AGO3: variants seen among roughly 807,000 people sequenced by gnomAD.
AGO3 encodes the protein argonaute RISC catalytic component 3, also known as protein argonaute-3.
In AGO3, 16 loss-of-function variants were observed where a neutral mutation model predicts 105.5. That is an observed-to-expected ratio of 0.15 (90% CI 0.10 to 0.23). AGO3 has a LOEUF of 0.23. Among genes scored for constraint, AGO3 ranks in the 10% least tolerant of loss-of-function variants. The pLI is 1.00. For missense variants in AGO3, 534 were observed against 1,088.0 expected (o/e 0.49, Z 7.16); for synonymous variants, 340 against 367.3 (o/e 0.93, Z 0.85).
chr1:36,040,494 T>C (rs937116532), intron 16 of AGO3, 53 bp downstream of exon 16: 1 of 1,588,604 alleles, frequency 6.3e-7, no homozygotes, highest in Non-Finnish European at 8.6e-7. Context: ...TCCAACATAG[T>C]TCATAGAGCA....
rs546952346 is a variant in AGO3, at chr1:35,974,618, G to A, written c.658+1107G>A. Among the ~76,000 whole-genome samples, 5 of 152,082 alleles carry A rather than the reference G, an allele frequency of 3.3e-5. No individual in the cohort carries two copies. The South Asian group carries it at 1.0e-3, about 32-fold the overall frequency. On this transcript the variant is annotated intron_variant, in intron 5 of 18. Transcript: ENST00000373191. ...TAGTGATTCAAAAATCAGTCTCTAG[G>A]TTCAGAGATTAATCAGTAGATTCAG...
intron 1 of AGO3, among the ~76,000 whole-genome samples, chr1:35,945,115 G>A (rs781772485): frequency 2.6e-5 from 4 of 152,074 alleles, no homozygotes; most frequent in Non-Finnish European, 5.9e-5. Flanking sequence ...CTTGGCCTGA[G>A]ATACTTACCT....
At chr1:36,036,702 T>TATTTC (rs1467532746) in intron 14 of AGO3, among the ~76,000 whole-genome samples, 1 of 152,150 alleles carries the variant, frequency 6.6e-6, no homozygotes, top group African/African-American at 2.4e-5. Context: ...TATTTTATTT[T>TATTTC]ATTTATTTTT....
Position 35,956,646 on chromosome 1 carries a change from T to G in AGO3, c.192-10309T>G, listed in dbSNP as rs75771507. On this transcript the variant is annotated intron_variant, in intron 2 of 18. Transcript: ENST00000373191. ...ATGATTTTCTTTTTTTGTTTTTTTT[T>G]TTTTTTCTTTTGGAGAGGGAGTCTC... 1.3e-3 allele frequency among the ~76,000 whole-genome samples: 204 copies of G among 151,534 alleles called. 2 individuals carry two copies. The East Asian group carries it at 0.033, about 24-fold the overall frequency.
chr1:36,028,428 A>G (rs62146961), intron 12 of AGO3, among the ~76,000 whole-genome samples: 1 of 105,178 alleles, frequency 9.5e-6, no homozygotes, highest in African/African-American at 3.8e-5. Context: ...CCAGAGTGTG[A>G]TGTTCCCCTT....
chr1:35,999,214 C>T (rs143588159), intron 5 of AGO3, among the ~76,000 whole-genome samples: 17 of 152,142 alleles, frequency 1.1e-4, no homozygotes, highest in African/African-American at 3.9e-4. Flanking sequence ...ATTAGCTGAG[C>T]GTGTAATCCC....
chr1:36,037,527 A>G (rs769941765), intron 14 of AGO3, among the ~76,000 whole-genome samples: 1 of 151,926 alleles, frequency 6.6e-6, no homozygotes, highest in African/African-American at 2.4e-5. Flanking sequence ...TCTCAAAACA[A>G]AAAAAAAGAT....
chr1:36,019,101 A>C (rs964384717), intron 11 of AGO3, among the ~76,000 whole-genome samples: 33 of 152,062 alleles, frequency 2.2e-4, no homozygotes, highest in African/African-American at 8.0e-4. Flanking sequence ...GTGTTTCCAA[A>C]AGATCCAGCC....
At chr1:35,974,826 A>G (rs896060693) in intron 5 of AGO3, among the ~76,000 whole-genome samples, 1 of 152,108 alleles carries the variant, frequency 6.6e-6, no homozygotes, top group African/African-American at 2.4e-5. Flanking sequence ...AAATTAGTAA[A>G]TGTTTGAAAG....
intron 17 of AGO3, among the ~76,000 whole-genome samples, chr1:36,050,791 CAAAAA>C (rs566050744): frequency 3.5e-5 from 3 of 85,898 alleles, no homozygotes; most frequent in Admixed American, 1.2e-4. Flanking sequence ...GACTCTATCT[CAAAAA>C]AAAAAAAAAA....
chr1:35,949,468 G>A (rs1236822322), intron 2 of AGO3, among the ~76,000 whole-genome samples: 1 of 152,158 alleles, frequency 6.6e-6, no homozygotes, highest in East Asian at 1.9e-4. Flanking sequence ...CTCAGTTCCT[G>A]TGCTTCAACA....
At chr1:36,013,802 T>C in intron 10 of AGO3, 50 bp downstream of exon 10, 2 of 1,604,342 alleles carry the variant, frequency 1.2e-6, no homozygotes, top group African/African-American at 2.7e-5. Context: ...TCTGTAAGTA[T>C]GAAGAGAAAG....
chr1:35,972,483 C>T (rs1646886089), intron 4 of AGO3, among the ~76,000 whole-genome samples: 1 of 152,172 alleles, frequency 6.6e-6, no homozygotes, highest in Non-Finnish European at 1.5e-5. Context: ...CTCACCCTTT[C>T]TCTTAGGATC....
At chr1:36,040,788 T>G (rs1428527377) in intron 16 of AGO3, among the ~76,000 whole-genome samples, 1 of 152,062 alleles carries the variant, frequency 6.6e-6, no homozygotes, top group Non-Finnish European at 1.5e-5. Flanking sequence ...AAGTGGAAAT[T>G]CAGGCCAGGC....
chr1:36,053,502 A>T (rs922782094), intron 17 of AGO3, among the ~76,000 whole-genome samples: 1 of 152,084 alleles, frequency 6.6e-6, no homozygotes, highest in East Asian at 1.9e-4. Flanking sequence ...GCTGGTCTCG[A>T]ACTCTTGTTC....
At chr1:35,989,379 C>G (rs756451522) in intron 5 of AGO3, among the ~76,000 whole-genome samples, 1 of 152,168 alleles carries the variant, frequency 6.6e-6, no homozygotes, top group Non-Finnish European at 1.5e-5. Context: ...TTCAACATCT[C>G]TGAAATTGGG....
chr1:35,991,734 A>T (rs1019670018), intron 5 of AGO3, among the ~76,000 whole-genome samples: 3 of 151,968 alleles, frequency 2.0e-5, no homozygotes, highest in African/African-American at 7.2e-5. Flanking sequence ...TTTATTTCCT[A>T]AGTGTTATCT....
intron 2 of AGO3, among the ~76,000 whole-genome samples, chr1:35,960,939 T>C (rs1185070811): frequency 6.6e-6 from 1 of 151,768 alleles, no homozygotes; most frequent in Non-Finnish European, 1.5e-5. Context: ...TTTCTTTTTT[T>C]TTTTTTATTT....
At chr1:36,013,088 C>T (rs1640702042) in intron 9 of AGO3, among the ~76,000 whole-genome samples, 2 of 152,028 alleles carry the variant, frequency 1.3e-5, no homozygotes, top group Admixed American at 1.3e-4. Flanking sequence ...AGGCACACAG[C>T]ACCACACCTG....
Sources: gnomAD v4.1 joint callset for allele counts (sites outside exome capture counted in the v4.1 genomes callset) on GRCh38, gnomAD v4.1.1 for gene constraint, MANE v1.5 for transcripts, NCBI Gene and HGNC (gene_info 2026-07-23, HGNC 2026-07-21) for gene names.